CCDC171: variants seen among roughly 807,000 people sequenced by gnomAD.
CCDC171 encodes coiled-coil domain containing 171.
In CCDC171, 177 loss-of-function variants were observed where a neutral mutation model predicts 168.2. That is an observed-to-expected ratio of 1.05 (90% CI 0.93 to 1.19). The LOEUF (loss-of-function observed/expected upper bound fraction) is 1.19, where lower values mean the gene tolerates loss of function less well. CCDC171 is among the 50% of genes most tolerant of loss of function. CCDC171 has a pLI of 0.00. For missense variants in CCDC171, 1,991 were observed against 1,539.0 expected (o/e 1.29, Z -4.91); for synonymous variants, 687 against 540.8 (o/e 1.27, Z -3.75).
chr9:15,687,566 T>A (rs1339994775), intron 10 of CCDC171, among the ~76,000 whole-genome samples: 1 of 151,990 alleles, frequency 6.6e-6, no homozygotes, highest in African/African-American at 2.4e-5. Flanking sequence ...TAGAGAATTT[T>A]AAAAAATAGA....
chr9:15,801,846 A>G (rs913128765), intron 21 of CCDC171, among the ~76,000 whole-genome samples: 1 of 151,986 alleles, frequency 6.6e-6, no homozygotes, highest in Non-Finnish European at 1.5e-5. Context: ...GTTGAATTTT[A>G]TCAAATGCTT....
chr9:15,759,250 C>T (rs1442975462), intron 18 of CCDC171, among the ~76,000 whole-genome samples: 1 of 152,074 alleles, frequency 6.6e-6, no homozygotes, highest in Non-Finnish European at 1.5e-5. Flanking sequence ...GTGGCAAGTA[C>T]ATAACAAAGA....
Position 15,575,658 on chromosome 9 carries a change from A to G in CCDC171, c.178-3191A>G, listed in dbSNP as rs147962480. 1.4e-4 allele frequency among the ~76,000 whole-genome samples: 21 copies of G among 152,270 alleles called. 1 individual carries two copies. Among genetic ancestry groups the G allele is most frequent in the African/African-American group, 4.3e-4 (18 of 41,562 alleles). ...AAAACTTATAATTTTATTTTTATTA[A>G]CCTCTAACTGATATTAAGCATTTCC... On this transcript the variant is annotated intron_variant, in intron 3 of 25. Transcript: ENST00000380701.
chr9:15,879,458 T>G (rs1818307142), intron 24 of CCDC171, among the ~76,000 whole-genome samples: 2 of 152,190 alleles, frequency 1.3e-5, no homozygotes, highest in African/African-American at 2.4e-5. Flanking sequence ...TTCTTCTCTT[T>G]TAGCTATTTT....
At chr9:15,701,301 CA>C (rs2051715133) in intron 11 of CCDC171, among the ~76,000 whole-genome samples, 1 of 152,100 alleles carries the variant, frequency 6.6e-6, no homozygotes, top group South Asian at 2.1e-4. Flanking sequence ...AGGTTTTAGC[CA>C]TAAAATCTTT....
chr9:15,777,471 T>C (rs1253247365), intron 18 of CCDC171, 129 bp from the exon 19 acceptor site: 2 of 558,266 alleles, frequency 3.6e-6, no homozygotes, highest in East Asian at 3.0e-5. Context: ...AAGGACCTTT[T>C]TGAATGAATT....
intron 23 of CCDC171, among the ~76,000 whole-genome samples, chr9:15,863,970 T>C (rs1189376908): frequency 6.6e-6 from 1 of 152,120 alleles, no homozygotes; most frequent in African/African-American, 2.4e-5. Context: ...GAACTCATTT[T>C]GTAAAGTTGT....
intron 18 of CCDC171, among the ~76,000 whole-genome samples, chr9:15,767,550 A>G (rs1450302255): frequency 6.6e-6 from 1 of 152,112 alleles, no homozygotes; most frequent in Non-Finnish European, 1.5e-5. Context: ...ACACAGTCAC[A>G]GGTTCCAGGG....
At chr9:15,823,152 A>G (rs553991221) in intron 21 of CCDC171, among the ~76,000 whole-genome samples, 112 of 152,242 alleles carry the variant, frequency 7.4e-4, no homozygotes, top group African/African-American at 2.5e-3. Context: ...ACATAGACAC[A>G]GGAAGGGGAA....
intron 25 of CCDC171, among the ~76,000 whole-genome samples, chr9:15,953,619 A>G (rs958590446): frequency 6.6e-6 from 1 of 151,992 alleles, no homozygotes; most frequent in Non-Finnish European, 1.5e-5. Flanking sequence ...TTCACTGGGG[A>G]TATTGACCTA....
At chr9:15,666,093 A>G in intron 8 of CCDC171, 70 bp from the exon 9 acceptor site, 1 of 1,350,868 alleles carries the variant, frequency 7.4e-7, no homozygotes, top group Non-Finnish European at 1.0e-6. Context: ...CTGACAAAGT[A>G]TTCTACTCAA....
At chr9:15,986,395 A>G (rs1408618273) in intron 3 of CCDC171, among the ~76,000 whole-genome samples, 2 of 152,210 alleles carry the variant, frequency 1.3e-5, no homozygotes, top group Non-Finnish European at 2.9e-5. Flanking sequence ...GTCTTGCTGC[A>G]GAGGGATGCC....
At chr9:15,673,381 A>T (rs189179739) in intron 9 of CCDC171, among the ~76,000 whole-genome samples, 2 of 152,314 alleles carry the variant, frequency 1.3e-5, no homozygotes, top group African/African-American at 4.8e-5. Flanking sequence ...AGAAGTTCCA[A>T]CACTATGTTG....
chr9:15,946,220 G>C (rs1379525136), intron 25 of CCDC171, among the ~76,000 whole-genome samples: 4 of 151,892 alleles, frequency 2.6e-5, no homozygotes. Context: ...TGAGGGCTCT[G>C]TTCTGTTCCA....
intron 1 of CCDC171, among the ~76,000 whole-genome samples, chr9:16,047,847 C>T (rs1377517927): frequency 6.6e-6 from 1 of 152,230 alleles, no homozygotes; most frequent in Non-Finnish European, 1.5e-5. Context: ...TATTCTCGAT[C>T]ATCATTGTTG....
At chr9:16,073,809 A>T in the CCDC171 span, among the ~76,000 whole-genome samples, 1 of 152,120 alleles carries the variant, frequency 6.6e-6, no homozygotes, top group Non-Finnish European at 1.5e-5. Context: ...TCCTCTTTTC[A>T]TTGGAGTTGT....
intron 7 of CCDC171, among the ~76,000 whole-genome samples, chr9:15,638,340 A>G (rs992375821): frequency 4.6e-5 from 7 of 152,146 alleles, no homozygotes; most frequent in Non-Finnish European, 1.0e-4. Context: ...TGACATAATG[A>G]ACAAGAAGTT....
chr9:15,859,493 C>A (rs1383937664), intron 23 of CCDC171, among the ~76,000 whole-genome samples: 2 of 151,782 alleles, frequency 1.3e-5, no homozygotes, highest in Admixed American at 1.3e-4. Context: ...TTATAGAATT[C>A]ATCAGTAAAG....
At chr9:15,782,198 A>G (rs902058363) in intron 20 of CCDC171, among the ~76,000 whole-genome samples, 21 of 152,206 alleles carry the variant, frequency 1.4e-4, no homozygotes, top group African/African-American at 5.1e-4. Flanking sequence ...TAGTTGGTCT[A>G]AAATTATGAA....
Sources: allele counts gnomAD v4.1 joint callset (sites outside exome capture counted in the v4.1 genomes callset), GRCh38; gene constraint gnomAD v4.1.1; transcripts MANE v1.5; gene names NCBI Gene and HGNC (gene_info 2026-07-23, HGNC 2026-07-21).